TTC34: variants seen among roughly 807,000 people sequenced by gnomAD.
TTC34 encodes the protein tetratricopeptide repeat protein 34.
TTC34 carries 44 observed loss-of-function variants against 40.7 expected under a neutral mutation model. The observed-to-expected ratio is 1.08, with a 90% CI of 0.85 to 1.39. The LOEUF (loss-of-function observed/expected upper bound fraction) is 1.39. TTC34 is among the 40% of genes most tolerant of loss of function. The pLI is 0.00. For missense variants in TTC34, 884 were observed against 838.0 expected (o/e 1.05, Z -0.68); for synonymous variants, 422 against 398.6 (o/e 1.06, Z -0.70).
In TTC34 at chr1:2,688,232, T is replaced by A. The variant is rs1640460163; in HGVS notation, c.2227-42669A>T. On this transcript the variant is annotated intron_variant, in intron 6 of 8. Transcript: ENST00000401095. ...ACCCCCAGGGGAGCATCCGACAGCCTGGAGCAGCACCCACACCCCCAGGGG... is the reference window on the plus strand; with the variant it reads ...ACCCCCAGGGGAGCATCCGACAGCCAGGAGCAGCACCCACACCCCCAGGGG... 2.9e-5 allele frequency among the ~76,000 whole-genome samples: 4 copies of A among 138,928 alleles called. No homozygotes were observed. The South Asian group carries it at 9.4e-4, about 33-fold the overall frequency. The allele number at this position is 138,928 out of a possible 152,430, so 91.1% of individuals were successfully genotyped here.
chr1:2,798,133 C>G (rs1643729238), intron 2 of TTC34, among the ~76,000 whole-genome samples: 1 of 134,684 alleles, frequency 7.4e-6, no homozygotes, highest in Non-Finnish European at 1.6e-5. Flanking sequence ...AGCCCCCCAG[C>G]CTCCCAGCCT....
chr1:2,785,764 T>A (rs1643577122), intron 5 of TTC34, 55 bp downstream of exon 5: 1 of 1,497,068 alleles, frequency 6.7e-7, no homozygotes, highest in South Asian at 1.3e-5. Flanking sequence ...AGACTCCCCA[T>A]GTCCCCTGTG....
chr1:2,755,744 A>ACC (rs1641482913), intron 6 of TTC34, among the ~76,000 whole-genome samples: 1 of 18,082 alleles, frequency 5.5e-5, no homozygotes. Context: ...GCACCCACAC[A>ACC]CCCAGGCGAG....
intron 6 of TTC34, among the ~76,000 whole-genome samples, chr1:2,648,362 G>T (rs1406531329): frequency 2.0e-5 from 3 of 152,154 alleles, no homozygotes; most frequent in African/African-American, 7.2e-5. Flanking sequence ...CTTTGCTAGG[G>T]GAGGATTCGT....
At chr1:2,651,419 C>T (rs144535736) in intron 6 of TTC34, among the ~76,000 whole-genome samples, 14 of 151,778 alleles carry the variant, frequency 9.2e-5, no homozygotes, top group Admixed American at 3.9e-4. Flanking sequence ...TGTGACAATC[C>T]GAAACACAAC....
exon 2 of TTC34, chr1:2,800,143 G>A (rs1643756097): frequency 2.5e-6 from 1 of 398,470 alleles, no homozygotes; most frequent in African/African-American, 2.1e-5. Context: ...TCAGGTGACA[G>A]GGTGTCACTC....
intron 6 of TTC34, among the ~76,000 whole-genome samples, chr1:2,685,091 ACG>A: frequency 7.1e-6 from 1 of 139,894 alleles, no homozygotes; most frequent in Admixed American, 7.0e-5. Context: ...CCAGGTGTGC[ACG>A]TGACAGCTTG....
intron 6 of TTC34, among the ~76,000 whole-genome samples, chr1:2,655,003 G>A (rs939495927): frequency 6.7e-6 from 1 of 148,728 alleles, no homozygotes; most frequent in African/African-American, 2.5e-5. Context: ...GCCTGGAACA[G>A]CTCTCACAAC....
chr1:2,652,069 G>GAAC (rs1557584275), intron 6 of TTC34, among the ~76,000 whole-genome samples: 3 of 86,812 alleles, frequency 3.5e-5, no homozygotes, highest in Admixed American at 1.2e-4. Flanking sequence ...TGACAGCCTG[G>GAAC]AGGAGCACCC....
At chr1:2,793,330 T>C (rs1005279669) in intron 2 of TTC34, among the ~76,000 whole-genome samples, 1 of 152,202 alleles carries the variant, frequency 6.6e-6, no homozygotes, top group Non-Finnish European at 1.5e-5. Flanking sequence ...CCAAGTCTTG[T>C]ATTGAATTTT....
chr1:2,654,615 C>T (rs200332708), intron 6 of TTC34, among the ~76,000 whole-genome samples: 6 of 114,098 alleles, frequency 5.3e-5, no homozygotes, highest in Non-Finnish European at 1.0e-4. Flanking sequence ...TCCCACACCC[C>T]CAGGTGAGCA....
chr1:2,696,394 TACACCCCCAGGG>T (rs1640867520), intron 6 of TTC34, among the ~76,000 whole-genome samples: 1 of 4,388 alleles, frequency 2.3e-4, no homozygotes. Context: ...AGCAGCACCC[TACACCCCCAGGG>T]GAGCATCCGA....
intron 6 of TTC34, among the ~76,000 whole-genome samples, chr1:2,683,432 C>A (rs1439132292): frequency 8.3e-5 from 4 of 48,462 alleles, no homozygotes; most frequent in East Asian, 5.5e-4. Flanking sequence ...CCACCCTTCA[C>A]CCCCAGGTGA....
intron 6 of TTC34, among the ~76,000 whole-genome samples, chr1:2,688,148 G>A (rs1640452979): frequency 1.3e-5 from 2 of 150,032 alleles, no homozygotes; most frequent in South Asian, 2.1e-4. Context: ...GCATCTGACG[G>A]CCTGGAAGGG....
At chr1:2,759,404 G>C (rs1477940819) in intron 6 of TTC34, among the ~76,000 whole-genome samples, 2 of 72,036 alleles carry the variant, frequency 2.8e-5, no homozygotes, top group Non-Finnish European at 5.3e-5. Context: ...ACACCCCCAG[G>C]TGGGCATGTG....
chr1:2,690,515 TG>T, intron 6 of TTC34, among the ~76,000 whole-genome samples: 1 of 122,558 alleles, frequency 8.2e-6, no homozygotes, highest in East Asian at 2.6e-4. Context: ...GATGAGAATC[TG>T]ACAGCCCGGA....
At chr1:2,783,296 C>T (rs935344197) in intron 6 of TTC34, among the ~76,000 whole-genome samples, 2 of 152,168 alleles carry the variant, frequency 1.3e-5, no homozygotes, top group Admixed American at 6.5e-5. Flanking sequence ...GGCCAACAAC[C>T]CCAGAGGGAC....
intron 6 of TTC34, among the ~76,000 whole-genome samples, chr1:2,749,048 G>A (rs1569684752): frequency 7.6e-6 from 1 of 132,046 alleles, no homozygotes; most frequent in Admixed American, 7.8e-5. Flanking sequence ...ACACCCCCAG[G>A]TGAGAATCCG....
Position 2,700,448 on chromosome 1 carries a change from T to C in TTC34, c.2227-54885A>G, listed in dbSNP as rs1306046516. Among the ~76,000 whole-genome samples the C allele has an allele frequency of 2.0e-3, 135 of 65,854 alleles. 1 individual carries two copies. The highest frequency in any genetic ancestry group is 3.1e-3 in the East Asian group (6 of 1,952). 43.2% of individuals were successfully genotyped at this position (65,854 alleles called of 152,430 possible). A position where few individuals can be genotyped will look rare whatever the true frequency, so the allele number is the denominator to read the frequency against. On this transcript the variant is annotated intron_variant, in intron 6 of 8. Transcript: ENST00000401095. ...GCATCCGACAGCCTGGAGCAGCACC[T>C]ACACCCCCAGGTGAGCATCCGACAG...
Sources: gnomAD v4.1 joint callset for allele counts (sites outside exome capture counted in the v4.1 genomes callset) on GRCh38, gnomAD v4.1.1 for gene constraint, MANE v1.5 for transcripts, NCBI Gene and HGNC (gene_info 2026-07-23, HGNC 2026-07-21) for gene names.